The following ERBB4 variants were observed in gnomAD, a reference collection of about 807,000 sequenced individuals.
The protein encoded by ERBB4 is erb-b2 receptor tyrosine kinase 4.
Under a neutral mutation model 158.0 loss-of-function variants are expected in ERBB4, and 42 were observed. The observed-to-expected ratio is 0.27, with a 90% CI of 0.21 to 0.34. The LOEUF (loss-of-function observed/expected upper bound fraction) is 0.34. Ranked by LOEUF, ERBB4 falls within the 10% of genes least tolerant of loss-of-function variation. The pLI is 1.00. For synonymous variants in ERBB4, 583 were observed against 558.7 expected, an observed-to-expected ratio of 1.04 and a Z score of -0.61; for missense variants, 1,333 against 1,624.1, an observed-to-expected ratio of 0.82 and a Z score of 3.08.
At chr2:212,057,662 A>G (rs2077623089) in intron 2 of ERBB4, among the ~76,000 whole-genome samples, 1 of 152,220 alleles carries the variant, frequency 6.6e-6, no homozygotes, top group Non-Finnish European at 1.5e-5. Flanking sequence ...AAACTGAACA[A>G]CCTGCTCCTG....
intron 1 of ERBB4, among the ~76,000 whole-genome samples, chr2:212,224,491 C>G (rs1269852601): frequency 8.6e-5 from 13 of 151,926 alleles, no homozygotes; most frequent in Admixed American, 7.9e-4. Flanking sequence ...ACTTCTGCTG[C>G]CAGCTGAGCA....
At chr2:211,502,049 C>T (rs2065629545) in intron 20 of ERBB4, among the ~76,000 whole-genome samples, 1 of 152,058 alleles carries the variant, frequency 6.6e-6, no homozygotes, top group South Asian at 2.1e-4. Context: ...TGTTTTGGAT[C>T]CCTGCTTACA....
chr2:212,347,241 C>T (rs2089047264), intron 1 of ERBB4, among the ~76,000 whole-genome samples: 1 of 152,034 alleles, frequency 6.6e-6, no homozygotes, highest in South Asian at 2.1e-4. Context: ...TTTAATTTAC[C>T]AAATCTTCAA....
chr2:211,525,385 T>C (rs1261403453), intron 20 of ERBB4, among the ~76,000 whole-genome samples: 4 of 152,132 alleles, frequency 2.6e-5, no homozygotes, highest in African/African-American at 4.8e-5. Context: ...TTCTAAGTTG[T>C]AAGGCCTCTA....
At chr2:212,088,323 G>C (rs1268678369) in intron 2 of ERBB4, among the ~76,000 whole-genome samples, 1 of 152,118 alleles carries the variant, frequency 6.6e-6, no homozygotes, top group Non-Finnish European at 1.5e-5. Flanking sequence ...CCACTTTAGA[G>C]GAGTCTGGGA....
intron 6 of ERBB4, among the ~76,000 whole-genome samples, chr2:211,724,676 CATAAGT>C (rs2074210546): frequency 6.6e-6 from 1 of 151,930 alleles, no homozygotes; most frequent in South Asian, 2.1e-4. Flanking sequence ...TACTGAAACT[CATAAGT>C]ATATCTTCTA....
At chr2:212,081,296 C>T (rs1490845799) in intron 2 of ERBB4, among the ~76,000 whole-genome samples, 1 of 152,134 alleles carries the variant, frequency 6.6e-6, no homozygotes, top group Non-Finnish European at 1.5e-5. Context: ...AAGCATCTTG[C>T]TTTGTAATCC....
chr2:211,579,093 C>T (rs959942982), intron 19 of ERBB4, among the ~76,000 whole-genome samples: 1 of 151,906 alleles, frequency 6.6e-6, no homozygotes, highest in Admixed American at 6.6e-5. Flanking sequence ...AGAATTTAAA[C>T]AATTTTACAA....
chr2:212,510,208 T>TATATATAC (rs1691438518), intron 1 of ERBB4, among the ~76,000 whole-genome samples: 1 of 72,860 alleles, frequency 1.4e-5, no homozygotes, highest in Admixed American at 1.2e-4. Flanking sequence ...CCACACAGTA[T>TATATATAC]ATATATATAT....
chr2:211,591,961 C>T (rs945304538), intron 19 of ERBB4, among the ~76,000 whole-genome samples: 1 of 152,144 alleles, frequency 6.6e-6, no homozygotes, highest in Non-Finnish European at 1.5e-5. Context: ...CTCTTTGAGA[C>T]GAATTAAGAG....
At chr2:211,496,060 T>A (rs574243390) in intron 20 of ERBB4, among the ~76,000 whole-genome samples, 1 of 152,196 alleles carries the variant, frequency 6.6e-6, no homozygotes, top group East Asian at 1.9e-4. Flanking sequence ...CTTGAAACAT[T>A]TGATTTACAT....
At chr2:211,624,220 T>C (rs2069749262) in intron 17 of ERBB4, among the ~76,000 whole-genome samples, 176 bp from the exon 18 acceptor site, 1 of 152,096 alleles carries the variant, frequency 6.6e-6, no homozygotes, top group African/African-American at 2.4e-5. Flanking sequence ...CACTGACACA[T>C]TTATGCATTC....
intron 27 of ERBB4, among the ~76,000 whole-genome samples, chr2:211,386,521 A>G (rs2062687953): frequency 6.6e-6 from 1 of 152,214 alleles, no homozygotes; most frequent in East Asian, 1.9e-4. Flanking sequence ...GACACTTTGT[A>G]GTATGCTACT....
chr2:212,194,039 G>A (rs1332060455), intron 1 of ERBB4, among the ~76,000 whole-genome samples: 1 of 152,068 alleles, frequency 6.6e-6, no homozygotes, highest in African/African-American at 2.4e-5. Context: ...GGACTTTAAA[G>A]GTGCATTAAA....
intron 1 of ERBB4, among the ~76,000 whole-genome samples, chr2:212,292,775 G>A (rs563119341): frequency 4.3e-4 from 66 of 152,120 alleles, no homozygotes; most frequent in African/African-American, 1.4e-3. Context: ...ACATTTTGAC[G>A]CTTTCTGCGT....
intron 1 of ERBB4, among the ~76,000 whole-genome samples, chr2:212,222,555 CACAA>C (rs2083328427): frequency 6.6e-6 from 1 of 151,508 alleles, no homozygotes; most frequent in African/African-American, 2.4e-5. Flanking sequence ...CAGCATTTAA[CACAA>C]ACACTCTTCT....
intron 20 of ERBB4, among the ~76,000 whole-genome samples, chr2:211,513,300 G>A (rs1486697647): frequency 4.1e-5 from 6 of 144,670 alleles, no homozygotes; most frequent in African/African-American, 1.5e-4. Flanking sequence ...GCAGTGAGCC[G>A]AGATTGCGCC....
At chr2:211,933,461 G>C (rs1169551026) in intron 3 of ERBB4, among the ~76,000 whole-genome samples, 4 of 152,002 alleles carry the variant, frequency 2.6e-5, no homozygotes, top group Non-Finnish European at 5.9e-5. Context: ...TATCAAATTT[G>C]ATAATCTATT....
chr2:211,854,603 T>C (rs2077805133), intron 3 of ERBB4, among the ~76,000 whole-genome samples: 1 of 152,162 alleles, frequency 6.6e-6, no homozygotes, highest in Admixed American at 6.5e-5. Flanking sequence ...CTTTCATCTC[T>C]ATTCTCTTTC....
Sources: allele counts gnomAD v4.1 joint callset (sites outside exome capture counted in the v4.1 genomes callset), GRCh38; gene constraint gnomAD v4.1.1; transcripts MANE v1.5; gene names NCBI Gene and HGNC (gene_info 2026-07-23, HGNC 2026-07-21).